PAPOLA: variants seen among roughly 807,000 people sequenced by gnomAD.
The protein encoded by PAPOLA is polynucleotide adenylyltransferase alpha.
A neutral mutation model predicts 100.6 loss-of-function variants in PAPOLA; 15 were observed. The observed-to-expected ratio is 0.15, with a 90% CI of 0.10 to 0.23. PAPOLA has a LOEUF of 0.23. PAPOLA is among the 10% of genes least tolerant of loss of function. The pLI, the probability that PAPOLA is intolerant of heterozygous loss-of-function variation, is 1.00. For synonymous variants in PAPOLA, 293 were observed against 300.0 expected (o/e 0.98, Z 0.24); for missense variants, 533 against 884.2 (o/e 0.60, Z 5.04).
intron 20 of PAPOLA, among the ~76,000 whole-genome samples, chr14:96,561,003 T>C (rs549209622): frequency 6.6e-6 from 1 of 152,204 alleles, no homozygotes; most frequent in East Asian, 1.9e-4. Context: ...GCAAGAAAAG[T>C]AAGATGTTAT....
At chr14:96,535,840 A>G (rs1899477840) in intron 10 of PAPOLA, 39 bp from the exon 11 acceptor site, 4 of 1,476,480 alleles carry the variant, frequency 2.7e-6, no homozygotes, top group East Asian at 2.5e-5. Flanking sequence ...TCTGTTGCAT[A>G]TGTACTTGAA....
intron 10 of PAPOLA, chr14:96,535,117 C>CAAATG (rs1899405193): frequency 1.0e-6 from 1 of 975,934 alleles, no homozygotes. Context: ...ACATTTACCG[C>CAAATG]TTACTCATTT....
intron 3 of PAPOLA, among the ~76,000 whole-genome samples, chr14:96,523,862 G>A (rs936950864): frequency 6.6e-6 from 1 of 151,790 alleles, no homozygotes; most frequent in African/African-American, 2.4e-5. Flanking sequence ...ATAATGGCTT[G>A]AACCGAGGAG....
rs906628982 is a variant in PAPOLA at position 96,566,492 on chromosome 14, C to T, written c.*1442C>T. ...TGTTTTATGAATCCTCCATTGTGCTCCATTCTATCACATGTGCATTTTTCA... is the reference window on the plus strand; with the variant it reads ...TGTTTTATGAATCCTCCATTGTGCTTCATTCTATCACATGTGCATTTTTCA... On this transcript the variant is annotated 3_prime_UTR_variant, in exon 22 of 22. Coordinates refer to ENST00000216277, the MANE Select transcript of PAPOLA (RefSeq NM_032632.5). The T allele has an allele frequency of 6.6e-6, 1 of 152,490 alleles. No homozygotes were observed. Among genetic ancestry groups the T allele is most frequent in the African/African-American group, 2.4e-5 (1 of 41,412 alleles). The allele number at this position is 152,490 out of a possible 1,614,324, so 9.4% of individuals were successfully genotyped here.
chr14:96,516,763 G>T (rs1595505419), intron 1 of PAPOLA, among the ~76,000 whole-genome samples: 2 of 152,306 alleles, frequency 1.3e-5, no homozygotes, highest in South Asian at 4.1e-4. Flanking sequence ...GCTTGCGTCT[G>T]ATTTATTTCC....
intron 15 of PAPOLA, among the ~76,000 whole-genome samples, chr14:96,547,132 G>A (rs529866361): frequency 8.5e-4 from 129 of 152,140 alleles, no homozygotes; most frequent in African/African-American, 3.0e-3. Context: ...ACCCTTTGAG[G>A]CTACGTTGGT....
At chr14:96,534,757 TA>T in intron 10 of PAPOLA, 194 bp downstream of exon 10, 1 of 1,365,342 alleles carries the variant, frequency 7.3e-7, no homozygotes. Context: ...ATGTACCCTG[TA>T]AACCACATTT....
At chr14:96,558,093 A>T (rs1901515059) in intron 19 of PAPOLA, among the ~76,000 whole-genome samples, 1 of 152,164 alleles carries the variant, frequency 6.6e-6, no homozygotes, top group Admixed American at 6.5e-5. Context: ...CTGTGTAATT[A>T]TCTCTTAGGG....
chr14:96,522,377 T>C (rs1346634285), intron 3 of PAPOLA, among the ~76,000 whole-genome samples: 2 of 151,856 alleles, frequency 1.3e-5, no homozygotes, highest in African/African-American at 4.8e-5. Context: ...CCTCGGCCTT[T>C]CAAAGTGCTG....
At chr14:96,548,332 T>TA (rs1326112947) in intron 16 of PAPOLA, among the ~76,000 whole-genome samples, 1 of 152,018 alleles carries the variant, frequency 6.6e-6, no homozygotes, top group Non-Finnish European at 1.5e-5. Flanking sequence ...TTGGTGAATG[T>TA]AAAAAATATA....
At chr14:96,531,970 T>C in intron 7 of PAPOLA, 1 of 1,254,256 alleles carries the variant, frequency 8.0e-7, no homozygotes, top group Non-Finnish European at 1.0e-6. Context: ...TTAGCATAGC[T>C]TGTTACTGTG....
At position 96,555,889 on chromosome 14, in the gene PAPOLA, C is replaced by T; in HGVS notation, c.1707C>T (p.Thr569=). The T allele has an allele frequency of 6.2e-7, 1 of 1,610,342 alleles. No homozygotes were observed. Among genetic ancestry groups the T allele is most frequent in the Non-Finnish European group, 8.5e-7 (1 of 1,177,584 alleles). Residue 569 remains threonine (T), a synonymous_variant, in exon 18 of 22, where the codon ACC becomes ACT. Transcript: ENST00000216277. ...CAGCTGTAACAGCAGCATCTGTGAC[C>T]AACATACAGGCTACTGAAGTTTCTG... is the stretch of plus-strand genomic sequence containing the variant. ...PAPAVTAASV[T]NIQATEVSVP...
At chr14:96,508,924 T>C (rs572473572) in intron 1 of PAPOLA, among the ~76,000 whole-genome samples, 3 of 152,316 alleles carry the variant, frequency 2.0e-5, no homozygotes, top group Admixed American at 6.5e-5. Flanking sequence ...GGTACTAAAT[T>C]GTAGATTGGG....
At chr14:96,522,130 TTTTTTTTTTTTG>T in intron 3 of PAPOLA, among the ~76,000 whole-genome samples, 1 of 138,780 alleles carries the variant, frequency 7.2e-6, no homozygotes, top group African/African-American at 2.7e-5. Context: ...TTTTTTTTTT[TTTTTTTTTTTTG>T]AGACAGTCTT....
chr14:96,530,915 A>G (rs1407484062), intron 6 of PAPOLA, among the ~76,000 whole-genome samples: 1 of 151,902 alleles, frequency 6.6e-6, no homozygotes, highest in Non-Finnish European at 1.5e-5. Flanking sequence ...TCCAGGCTCA[A>G]ATGATTTTTC....
chr14:96,554,437 A>G (rs1345636568), intron 17 of PAPOLA, among the ~76,000 whole-genome samples: 1 of 152,214 alleles, frequency 6.6e-6, no homozygotes, highest in Non-Finnish European at 1.5e-5. Flanking sequence ...CTACATTTAC[A>G]TTCATATACC....
chr14:96,531,363 C>A, intron 6 of PAPOLA, 112 bp from the exon 7 acceptor site: 2 of 751,526 alleles, frequency 2.7e-6, no homozygotes, highest in Non-Finnish European at 4.3e-6. Flanking sequence ...CTCAAGTGTT[C>A]CACCTGCCTC....
At chr14:96,526,121 C>G (rs572944944) in intron 4 of PAPOLA, 8 of 152,308 alleles carry the variant, frequency 5.3e-5, no homozygotes, top group African/African-American at 1.7e-4. Flanking sequence ...GTTATTTCCT[C>G]TATGCAAATA....
intron 12 of PAPOLA, among the ~76,000 whole-genome samples, chr14:96,540,066 A>G (rs957626673): frequency 4.6e-5 from 7 of 152,092 alleles, no homozygotes; most frequent in African/African-American, 1.4e-4. Context: ...CAGAGTAGGT[A>G]CTCTTTCCCT....
Sources: gnomAD v4.1 joint callset for allele counts (sites outside exome capture counted in the v4.1 genomes callset) on GRCh38, gnomAD v4.1.1 for gene constraint, MANE v1.5 for transcripts, NCBI Gene and HGNC (gene_info 2026-07-23, HGNC 2026-07-21) for gene names.